SRGAP2B: variants seen among roughly 807,000 people sequenced by gnomAD.
SRGAP2B encodes SLIT-ROBO Rho GTPase-activating protein 2B.
In SRGAP2B, 9 loss-of-function variants were observed where a neutral mutation model predicts 22.2. The ratio of observed to expected loss-of-function variants is 0.41; its 90% CI spans 0.24 to 0.71. The LOEUF (loss-of-function observed/expected upper bound fraction) is 0.71. SRGAP2B is among the 30% of genes least tolerant of loss of function. SRGAP2B has a pLI of 0.35. For synonymous variants in SRGAP2B, 36 were observed against 87.4 expected, an observed-to-expected ratio of 0.41 and a Z score of 3.28; for missense variants, 114 against 235.8, an observed-to-expected ratio of 0.48 and a Z score of 3.38.
chr1:145,022,990 C>A (rs1473385357), intron 2 of SRGAP2B, among the ~76,000 whole-genome samples: 2 of 149,610 alleles, frequency 1.3e-5, no homozygotes, highest in Non-Finnish European at 3.0e-5. Context: ...TGTGGTGAAG[C>A]CCCGTCTCTA....
chr1:144,926,912 T>G (rs1553605083), intron 4 of SRGAP2B, among the ~76,000 whole-genome samples: 1 of 151,356 alleles, frequency 6.6e-6, no homozygotes, highest in Non-Finnish European at 1.5e-5. Flanking sequence ...TTAGTGTTGT[T>G]TTTAACAGTG....
intron 3 of SRGAP2B, among the ~76,000 whole-genome samples, chr1:144,986,357 T>G (rs1347506037): frequency 1.2e-4 from 16 of 135,852 alleles, no homozygotes; most frequent in African/African-American, 3.8e-4. Context: ...CTGCTACAGC[T>G]CCGGGGGAGG....
intron 3 of SRGAP2B, among the ~76,000 whole-genome samples, chr1:144,970,457 T>C (rs1668422379): frequency 8.6e-6 from 1 of 116,484 alleles, no homozygotes; most frequent in South Asian, 3.1e-4. Context: ...TGAGATCACA[T>C]GGACACAGGA....
intron 4 of SRGAP2B, among the ~76,000 whole-genome samples, chr1:144,932,950 T>TA (rs1468418573): frequency 8.3e-6 from 1 of 120,120 alleles, no homozygotes; most frequent in Non-Finnish European, 1.8e-5. Context: ...ATAAGGAAAA[T>TA]AAAAAAATAA....
At chr1:144,922,626 A>G (rs1462442271) in intron 4 of SRGAP2B, among the ~76,000 whole-genome samples, 1 of 150,666 alleles carries the variant, frequency 6.6e-6, no homozygotes, top group Non-Finnish European at 1.5e-5. Context: ...AATGAAAATA[A>G]GGAGGATACA....
At chr1:144,920,410 C>T (rs1553348178) in intron 4 of SRGAP2B, among the ~76,000 whole-genome samples, 1 of 150,474 alleles carries the variant, frequency 6.6e-6, no homozygotes, top group African/African-American at 2.5e-5. Flanking sequence ...GTAGCTGGGA[C>T]GACAGATGTG....
intron 4 of SRGAP2B, among the ~76,000 whole-genome samples, chr1:144,922,820 T>C (rs1664351252): frequency 6.6e-6 from 1 of 150,738 alleles, no homozygotes; most frequent in African/African-American, 2.5e-5. Context: ...ACCTCTCTCC[T>C]CTAGGACAGA....
At chr1:144,988,998 ACTTTTT>A (rs1669968050) in intron 3 of SRGAP2B, among the ~76,000 whole-genome samples, 1 of 55,252 alleles carries the variant, frequency 1.8e-5, no homozygotes, top group African/African-American at 7.9e-5. Flanking sequence ...CACTCCCCCC[ACTTTTT>A]TTTTTTTTTT....
At chr1:145,061,268 A>G (rs1553631381) in intron 2 of SRGAP2B, among the ~76,000 whole-genome samples, 1 of 28,908 alleles carries the variant, frequency 3.5e-5, no homozygotes, top group Non-Finnish European at 6.8e-5. Context: ...TATGAGTATA[A>G]AAAAGATATT....
chr1:144,997,031 A>G (rs1244807160), intron 2 of SRGAP2B, among the ~76,000 whole-genome samples: 2 of 149,992 alleles, frequency 1.3e-5, no homozygotes, highest in Non-Finnish European at 2.9e-5. Context: ...TCCCCCTTCA[A>G]TATATTAGTG....
At chr1:145,030,721 A>ATATAT (rs1360508260) in intron 2 of SRGAP2B, among the ~76,000 whole-genome samples, 2 of 14,494 alleles carry the variant, frequency 1.4e-4, no homozygotes, top group East Asian at 2.0e-3. Flanking sequence ...AAAAAAAAAA[A>ATATAT]ATATATATAT....
rs1383718135 is a variant in SRGAP2B, at chr1:145,064,740, G to A, written c.67+28095C>T. 5.3e-5 allele frequency among the ~76,000 whole-genome samples: 8 copies of A among 150,568 alleles called. 1 individual carries two copies. Among genetic ancestry groups the A allele is most frequent in the African/African-American group, 1.5e-4 (6 of 40,196 alleles). ...TCTAACAGAAGATATCAGACTTATT[G>A]AGAACAGGAGATAACGGATAGGAAA... is the stretch of plus-strand genomic sequence containing the variant. On this transcript the variant is annotated intron_variant, in intron 2 of 9. Coordinates refer to ENST00000612199, the Ensembl canonical transcript of SRGAP2B.
At position 144,986,416 on chromosome 1, in the gene SRGAP2B, G is replaced by T. The variant is rs1669720878; in HGVS notation, c.260+8592C>A. Among the ~76,000 whole-genome samples the T allele has an allele frequency of 2.0e-5, 3 of 147,914 alleles. 1 individual carries two copies. The highest frequency in any genetic ancestry group is 7.8e-5 in the African/African-American group (3 of 38,478). On this transcript the variant is annotated intron_variant, in intron 3 of 9. Coordinates refer to ENST00000612199, the Ensembl canonical transcript of SRGAP2B. The stretch of plus-strand genomic sequence containing the variant: ...CTGGGCAGAGAATGAACTATTCTGG[G>T]ACCAGTCCTAGAGTCAGCAAAATCA...
intron 2 of SRGAP2B, among the ~76,000 whole-genome samples, chr1:145,057,028 A>T (rs1489685023): frequency 6.8e-6 from 1 of 146,806 alleles, no homozygotes; most frequent in Non-Finnish European, 1.5e-5. Context: ...TAATAATAAT[A>T]AAAAAGTCAT....
At chr1:144,915,759 G>A (rs1663831324) in intron 4 of SRGAP2B, among the ~76,000 whole-genome samples, 1 of 150,734 alleles carries the variant, frequency 6.6e-6, no homozygotes, top group Non-Finnish European at 1.5e-5. Flanking sequence ...AGGAAAGAAA[G>A]GAGGAAGCAG....
chr1:145,017,042 C>T (rs1672477140), intron 2 of SRGAP2B, among the ~76,000 whole-genome samples: 2 of 138,656 alleles, frequency 1.4e-5, no homozygotes, highest in South Asian at 4.8e-4. Context: ...TGGCTGCAAC[C>T]TCCACCTCCT....
intron 2 of SRGAP2B, among the ~76,000 whole-genome samples, chr1:145,026,576 T>C (rs1337813677): frequency 7.4e-6 from 1 of 135,542 alleles, no homozygotes; most frequent in Non-Finnish European, 1.6e-5. Context: ...TCAGGGTTTC[T>C]CTACTGTCTC....
intron 2 of SRGAP2B, among the ~76,000 whole-genome samples, chr1:144,999,235 C>G (rs1327543727): frequency 6.7e-6 from 1 of 150,086 alleles, no homozygotes; most frequent in Non-Finnish European, 1.5e-5. Context: ...AGTTCCTTCC[C>G]TAGAAATACA....
At chr1:145,017,551 A>G (rs1418871127) in intron 2 of SRGAP2B, among the ~76,000 whole-genome samples, 29 of 148,896 alleles carry the variant, frequency 1.9e-4, no homozygotes, top group Non-Finnish European at 3.8e-4. Context: ...GGCTGAAAGC[A>G]TAGTTCCTCT....
Sources: gnomAD v4.1 joint callset for allele counts (sites outside exome capture counted in the v4.1 genomes callset) on GRCh38, gnomAD v4.1.1 for gene constraint, MANE v1.5 for transcripts, NCBI Gene and HGNC (gene_info 2026-07-23, HGNC 2026-07-21) for gene names.